TMEM132B: variants seen among roughly 807,000 people sequenced by gnomAD.
TMEM132B encodes the protein transmembrane protein 132B.
Under a neutral mutation model 90.8 loss-of-function variants are expected in TMEM132B, and 18 were observed. That is an observed-to-expected ratio of 0.20 (90% confidence interval 0.14 to 0.29). The LOEUF (loss-of-function observed/expected upper bound fraction) is 0.29. Among genes scored for constraint, TMEM132B ranks in the 10% least tolerant of loss-of-function variants. The pLI, the probability that TMEM132B is intolerant of heterozygous loss-of-function variation, is 1.00. For synonymous variants in TMEM132B, 504 were observed against 523.3 expected (o/e 0.96, Z 0.50); for missense variants, 1,096 against 1,326.8 (o/e 0.83, Z 2.70).
intron 5 of TMEM132B, among the ~76,000 whole-genome samples, chr12:125,606,624 A>G (rs1885702994): frequency 6.6e-6 from 1 of 152,244 alleles, no homozygotes; most frequent in Admixed American, 6.5e-5. Context: ...ATACTCCAGC[A>G]TCAGGCATTT....
intron 5 of TMEM132B, among the ~76,000 whole-genome samples, chr12:125,643,293 TG>T (rs1886677200): frequency 6.6e-6 from 1 of 152,232 alleles, no homozygotes; most frequent in South Asian, 2.1e-4. Flanking sequence ...TTCTGTCCTC[TG>T]CTCATGAAAC....
intron 2 of TMEM132B, among the ~76,000 whole-genome samples, chr12:125,388,877 A>AT (rs759693208): frequency 6.6e-6 from 1 of 152,136 alleles, no homozygotes; most frequent in Non-Finnish European, 1.5e-5. Context: ...ACTTCATTGC[A>AT]TTTTATCCTC....
intron 3 of TMEM132B, among the ~76,000 whole-genome samples, chr12:125,416,078 G>A (rs1880002901): frequency 6.6e-6 from 1 of 152,142 alleles, no homozygotes; most frequent in South Asian, 2.1e-4. Flanking sequence ...TTGGCACATG[G>A]CCTCAGAATC....
intron 1 of TMEM132B, among the ~76,000 whole-genome samples, chr12:125,334,814 C>T (rs534633926): frequency 6.6e-6 from 1 of 152,244 alleles, no homozygotes; most frequent in Non-Finnish European, 1.5e-5. Flanking sequence ...GCACGACCGT[C>T]TCATTAGACT....
intron 3 of TMEM132B, among the ~76,000 whole-genome samples, chr12:125,448,638 T>G (rs1881067596): frequency 6.6e-6 from 1 of 152,242 alleles, no homozygotes. Flanking sequence ...CAAGCTATTA[T>G]GAATAAGGCT....
rs144866910 is a variant in TMEM132B, at chr12:125,399,870, CAT to C, written c.960-15659_960-15658del. ...AGCTATCATTTGGTTGGGGAAACAA[CAT>C]AACGACTGTCTCATTGAGGCATAGG... On this transcript the variant is annotated intron_variant, in intron 2 of 8. Coordinates refer to ENST00000682704, the MANE Select transcript of TMEM132B (RefSeq NM_001366854.1). Among the ~76,000 whole-genome samples the C allele has an allele frequency of 7.1e-3, 1,077 of 152,250 alleles. 7 individuals are homozygous for C. The highest frequency in any genetic ancestry group is 0.014 in the Middle Eastern group (4 of 294).
At chr12:125,461,537 T>G (rs1371641268) in intron 3 of TMEM132B, among the ~76,000 whole-genome samples, 5 of 152,262 alleles carry the variant, frequency 3.3e-5, no homozygotes, top group African/African-American at 1.2e-4. Context: ...CACCAACTTC[T>G]GTTGATTGTT....
intron 3 of TMEM132B, among the ~76,000 whole-genome samples, chr12:125,461,156 G>A (rs1881425839): frequency 6.6e-6 from 1 of 152,202 alleles, no homozygotes; most frequent in Non-Finnish European, 1.5e-5. Context: ...GCAGTACCCA[G>A]GAGAGCCAGA....
intron 3 of TMEM132B, among the ~76,000 whole-genome samples, chr12:125,471,373 A>G (rs1881715350): frequency 1.3e-5 from 2 of 152,168 alleles, no homozygotes; most frequent in Admixed American, 6.5e-5. Flanking sequence ...TAATTACCAG[A>G]GTTGTCATTA....
intron 3 of TMEM132B, among the ~76,000 whole-genome samples, chr12:125,516,139 ACACT>A (rs1385580584): frequency 1.3e-4 from 19 of 151,606 alleles, no homozygotes; most frequent in East Asian, 5.8e-4. Context: ...TCTCACACAC[ACACT>A]CACACACTAT....
intron 1 of TMEM132B, among the ~76,000 whole-genome samples, chr12:125,297,852 C>T (rs1875710024): frequency 6.6e-6 from 1 of 152,176 alleles, no homozygotes; most frequent in Admixed American, 6.6e-5. Flanking sequence ...CCTGCCTACT[C>T]CTTCACTCTG....
intron 5 of TMEM132B, among the ~76,000 whole-genome samples, chr12:125,639,378 TACAC>T (rs1394593443): frequency 1.3e-5 from 2 of 152,240 alleles, no homozygotes; most frequent in South Asian, 2.1e-4. Context: ...TTCTTACAGA[TACAC>T]ACACTACTGA....
rs188659302 is a variant in TMEM132B, at chr12:125,589,221, G to A, written c.1437+5227G>A. On this transcript the variant is annotated intron_variant, in intron 5 of 8. Transcript: ENST00000682704. ...CCTGAGGCCGGGCACGGTGGCTCAC[G>A]CCTGTAATCCCAGCACTTTGGGAGG... Among the ~76,000 whole-genome samples the A allele has an allele frequency of 1.0e-3, 152 of 152,068 alleles. 2 individuals are homozygous for A. The South Asian group carries it at 0.013, about 13-fold the overall frequency.
chr12:125,578,493 G>A (rs1050383513), intron 4 of TMEM132B, among the ~76,000 whole-genome samples: 2 of 152,092 alleles, frequency 1.3e-5, no homozygotes, highest in Non-Finnish European at 2.9e-5. Flanking sequence ...AAATATGTTT[G>A]TACTGTCTTT....
intron 3 of TMEM132B, among the ~76,000 whole-genome samples, chr12:125,443,250 G>A (rs1478140033): frequency 6.6e-6 from 1 of 152,216 alleles, no homozygotes; most frequent in Non-Finnish European, 1.5e-5. Flanking sequence ...GTGGAGGACT[G>A]TTTCTTGTGG....
At chr12:125,262,150 T>G (rs1874581910) in intron 1 of TMEM132B, among the ~76,000 whole-genome samples, 1 of 151,294 alleles carries the variant, frequency 6.6e-6, no homozygotes, top group South Asian at 2.1e-4. Context: ...GGCTCACATC[T>G]GTAATCCCAG....
intron 3 of TMEM132B, among the ~76,000 whole-genome samples, chr12:125,481,832 G>A (rs112629902): frequency 0.4 from 60,336 of 151,916 alleles, 12,763 homozygotes; most frequent in African/African-American, 0.54. Flanking sequence ...TGGAGGCATC[G>A]CACTACCTGA....
At position 125,209,858 on chromosome 12, in the gene TMEM132B, T is replaced by C. The variant is rs1873279684; in HGVS notation, c.67+22992T>C. ...AATCCTGATTTCTTTTCTCCTTCAC[T>C]GGAGATAAATACTGTTAGATGGCCA... is the stretch of plus-strand genomic sequence containing the variant. On this transcript the variant is annotated intron_variant, in intron 1 of 8. Transcript: ENST00000682704. This position sits in a 1 kb window ranked among gnomAD's most constrained non-coding sequence, Gnocchi z 4.4. 6.6e-6 allele frequency among the ~76,000 whole-genome samples: 1 copy of C among 152,208 alleles called. No individual in the cohort carries two copies. Among genetic ancestry groups the C allele is most frequent in the Non-Finnish European group, 1.5e-5 (1 of 68,024 alleles).
intron 5 of TMEM132B, among the ~76,000 whole-genome samples, chr12:125,617,706 G>A (rs958341832): frequency 6.6e-6 from 1 of 152,018 alleles, no homozygotes; most frequent in Non-Finnish European, 1.5e-5. Flanking sequence ...TCATACCAAG[G>A]TGTTAGGCTC....
Sources: gnomAD v4.1 joint callset for allele counts (sites outside exome capture counted in the v4.1 genomes callset) on GRCh38, gnomAD v4.1.1 for gene constraint, Gnocchi (gnomAD v3.1) non-coding constraint, MANE v1.5 for transcripts, NCBI Gene and HGNC (gene_info 2026-07-23, HGNC 2026-07-21) for gene names.